Variants in CEP57L1 observed in about 807,000 individuals in gnomAD.
CEP57L1 encodes centrosomal protein CEP57L1.
In CEP57L1, 37 loss-of-function variants were observed where a neutral mutation model predicts 61.0. That is an observed-to-expected ratio of 0.61 (90% CI 0.47 to 0.80). The LOEUF (loss-of-function observed/expected upper bound fraction) is 0.80, where lower values mean the gene tolerates loss of function less well. Ranked by LOEUF, CEP57L1 falls within the 30% of genes least tolerant of loss-of-function variation. CEP57L1 has a pLI of 0.00. For missense variants in CEP57L1, 422 were observed against 524.7 expected (o/e 0.80, Z 1.91); for synonymous variants, 137 against 162.3 (o/e 0.84, Z 1.19).
chr6:109,134,072 A>G (rs1774517967), intron 1 of CEP57L1, among the ~76,000 whole-genome samples: 1 of 152,232 alleles, frequency 6.6e-6, no homozygotes, highest in South Asian at 2.1e-4. Context: ...TGAGGCCAGC[A>G]TCATCCTGCT....
chr6:109,136,107 C>T (rs1770639170), intron 1 of CEP57L1, among the ~76,000 whole-genome samples: 1 of 152,184 alleles, frequency 6.6e-6, no homozygotes, highest in African/African-American at 2.4e-5. Flanking sequence ...TACAAAGACA[C>T]ATGCACACGT....
chr6:109,136,950 C>T (rs995611223), intron 1 of CEP57L1, among the ~76,000 whole-genome samples: 1 of 151,928 alleles, frequency 6.6e-6, no homozygotes, highest in African/African-American at 2.4e-5. Flanking sequence ...GGGGTTTCTC[C>T]ATGTTGGCCA....
intron 1 of CEP57L1, among the ~76,000 whole-genome samples, chr6:109,132,772 A>G (rs759148738): frequency 1.3e-5 from 2 of 152,068 alleles, no homozygotes; most frequent in Non-Finnish European, 2.9e-5. Flanking sequence ...AAAATTTTAT[A>G]TTGTCGGTTT....
chr6:109,135,357 C>T (rs1774736836), intron 1 of CEP57L1, among the ~76,000 whole-genome samples: 1 of 152,050 alleles, frequency 6.6e-6, no homozygotes, highest in South Asian at 2.1e-4. Context: ...AACTGGCTAG[C>T]CATATGTAGA....
intron 1 of CEP57L1, among the ~76,000 whole-genome samples, chr6:109,120,785 G>A (rs1486550575): frequency 2.0e-5 from 3 of 152,090 alleles, no homozygotes; most frequent in South Asian, 4.1e-4. Flanking sequence ...GGTTAGAAAC[G>A]TAGTGTCACT....
chr6:109,110,008 A>G lies in CEP57L1; in HGVS notation c.-4+14433A>G, dbSNP rs530212199. 3.3e-5 allele frequency among the ~76,000 whole-genome samples: 5 copies of G among 152,256 alleles called. No homozygotes were observed. The South Asian group carries it at 8.3e-4, about 25-fold the overall frequency. ...AGTGCCGCAGTAAACATACGTATGCATGTGTCTTTATAGTAGAATGATTTA... is the reference window on the plus strand; with the variant it reads ...AGTGCCGCAGTAAACATACGTATGCGTGTGTCTTTATAGTAGAATGATTTA... On this transcript the variant is annotated intron_variant, in intron 1 of 10. Coordinates refer to ENST00000517392, the MANE Select transcript of CEP57L1 (RefSeq NM_001271852.3).
chr6:109,120,059 G>C (rs929077163), intron 1 of CEP57L1, among the ~76,000 whole-genome samples: 7 of 152,076 alleles, frequency 4.6e-5, no homozygotes, highest in Admixed American at 3.9e-4. Flanking sequence ...TGTGCACTAA[G>C]CTCTATTCTA....
rs1774374192 is a variant in CEP57L1 at position 109,170,966 on chromosome 6, T to G, written c.*7996T>G. ...TACTTTAATCTAAAAAATAATTGAT[T>G]TTTTAAAAAACTTATTCTATTTTAT... On this transcript the variant is annotated 3_prime_UTR_variant, in exon 11 of 11. Coordinates refer to ENST00000517392, the MANE Select transcript of CEP57L1 (RefSeq NM_001271852.3). Among the ~76,000 whole-genome samples, 1 of 152,222 alleles carries G rather than the reference T, an allele frequency of 6.6e-6. No homozygotes were observed. Among genetic ancestry groups the G allele is most frequent in the Non-Finnish European group, 1.5e-5 (1 of 68,044 alleles).
At chr6:109,098,764 A>C (rs991879950) in intron 1 of CEP57L1, among the ~76,000 whole-genome samples, 1 of 152,126 alleles carries the variant, frequency 6.6e-6, no homozygotes, top group African/African-American at 2.4e-5. Context: ...AAGTGCTGAG[A>C]TTAGAGGCAT....
intron 7 of CEP57L1, chr6:109,156,541 A>G (rs1338634818): frequency 6.6e-6 from 1 of 152,144 alleles, no homozygotes; most frequent in Admixed American, 6.5e-5. Context: ...TTAATTATAT[A>G]TAATGGTATG....
Position 109,165,434 on chromosome 6 carries a change from A to C in CEP57L1, c.*2464A>C, listed in dbSNP as rs1195128614. ...AGTGGCAAAAAAAAAAAAAAAATGTAGAACACATGTTTGCATGGGTTGAAG... is the reference window on the plus strand; with the variant it reads ...AGTGGCAAAAAAAAAAAAAAAATGTCGAACACATGTTTGCATGGGTTGAAG... On this transcript the variant is annotated 3_prime_UTR_variant, in exon 11 of 11. Transcript: ENST00000517392. Among the ~76,000 whole-genome samples the C allele has an allele frequency of 6.6e-6, 1 of 151,860 alleles. No individual in the cohort carries two copies. Among genetic ancestry groups the C allele is most frequent in the Non-Finnish European group, 1.5e-5 (1 of 67,958 alleles).
intron 6 of CEP57L1, 144 bp from the exon 7 acceptor site, chr6:109,155,647 A>G (rs959179230): frequency 1.4e-5 from 8 of 589,990 alleles, no homozygotes; most frequent in African/African-American, 1.2e-4. Flanking sequence ...TGACCTTCAC[A>G]TGTACAAAAA....
chr6:109,160,774 T>C (rs760234467), intron 10 of CEP57L1, 58 bp downstream of exon 10: 1 of 1,516,974 alleles, frequency 6.6e-7, no homozygotes, highest in Non-Finnish European at 8.8e-7. Context: ...GATTCAGTGT[T>C]GTATCTCTGT....
chr6:109,126,512 A>G (rs1773573175), intron 1 of CEP57L1, among the ~76,000 whole-genome samples: 1 of 152,270 alleles, frequency 6.6e-6, no homozygotes, highest in African/African-American at 2.4e-5. Context: ...AAAATAGACT[A>G]TAATTATACA....
intron 1 of CEP57L1, among the ~76,000 whole-genome samples, chr6:109,096,657 C>G (rs1214700556): frequency 6.6e-6 from 1 of 152,170 alleles, no homozygotes; most frequent in African/African-American, 2.4e-5. Flanking sequence ...TGAATAGATG[C>G]ATAGTTCTGA....
intron 1 of CEP57L1, among the ~76,000 whole-genome samples, chr6:109,144,086 A>T (rs1304800385): frequency 1.3e-5 from 2 of 152,186 alleles, no homozygotes; most frequent in East Asian, 3.8e-4. Context: ...GTTACCTTGC[A>T]AGAACAAAAA....
chr6:109,104,178 T>A (rs559112642), intron 1 of CEP57L1, among the ~76,000 whole-genome samples: 1 of 152,236 alleles, frequency 6.6e-6, no homozygotes, highest in South Asian at 2.1e-4. Context: ...TCTGTTTTAC[T>A]CAACAATATA....
At chr6:109,121,320 C>T (rs952340691) in intron 1 of CEP57L1, among the ~76,000 whole-genome samples, 1 of 152,104 alleles carries the variant, frequency 6.6e-6, no homozygotes, top group African/African-American at 2.4e-5. Flanking sequence ...GACCCCAGAG[C>T]AACTATGGTG....
intron 1 of CEP57L1, 127 bp downstream of exon 1, chr6:109,095,702 C>T (rs1781608505): frequency 4.0e-6 from 2 of 504,192 alleles, no homozygotes; most frequent in Non-Finnish European, 5.1e-6. Flanking sequence ...TTTCCAGTGA[C>T]TTGCGTGGGA....
Sources: allele counts gnomAD v4.1 joint callset (sites outside exome capture counted in the v4.1 genomes callset), GRCh38; gene constraint gnomAD v4.1.1; transcripts MANE v1.5; gene names NCBI Gene and HGNC (gene_info 2026-07-23, HGNC 2026-07-21).